The following COL5A3 variants were observed in gnomAD, a reference collection of about 807,000 sequenced individuals.
COL5A3 encodes the protein collagen alpha-3(V) chain.
Under a neutral mutation model 250.0 loss-of-function variants are expected in COL5A3, and 172 were observed. The ratio of observed to expected loss-of-function variants is 0.69; its 90% CI spans 0.61 to 0.78. The LOEUF is 0.78. Among genes scored for constraint, COL5A3 ranks in the 30% least tolerant of loss-of-function variants. The probability of loss-of-function intolerance (pLI) is 0.00; values close to 1 mark genes in which losing one functional copy is unlikely to be tolerated. For synonymous variants in COL5A3, 937 were observed against 900.4 expected, an observed-to-expected ratio of 1.04 and a Z score of -0.73; for missense variants, 2,340 against 2,334.4, an observed-to-expected ratio of 1.00 and a Z score of -0.05.
chr19:9,993,896 G>T (rs1279092894), intron 16 of COL5A3, 90 bp from the exon 17 acceptor site: 3 of 1,227,682 alleles, frequency 2.4e-6, no homozygotes, highest in African/African-American at 1.5e-5. Context: ...TCAACATCAA[G>T]ATTTTTTTTT....
At chr19:9,964,918 G>A (rs1310251514) in intron 64 of COL5A3, among the ~76,000 whole-genome samples, 4 of 133,486 alleles carry the variant, frequency 3.0e-5, no homozygotes, top group South Asian at 2.3e-4. Flanking sequence ...GCATGGTGGC[G>A]CATGCCTGTA....
intron 45 of COL5A3, among the ~76,000 whole-genome samples, chr19:9,975,665 T>A (rs2086908892): frequency 6.7e-6 from 1 of 150,200 alleles, no homozygotes; most frequent in African/African-American, 2.5e-5. Flanking sequence ...ATTTTGGTAT[T>A]GAGGGAAAGA....
rs754342022 is a variant in COL5A3, at chr19:9,996,258, G to A, written c.1427C>T (p.Ser476Phe). The A allele has an allele frequency of 9.5e-6, 15 of 1,572,142 alleles. No individual in the cohort carries two copies. Among genetic ancestry groups the A allele is most frequent in the Non-Finnish European group, 1.3e-5 (15 of 1,161,754 alleles). ...CACTGGACCAGGGGGGCCTTTCATA[G>A]AGAGCTGGAAAGACAGAGGAGTCAG... is the stretch of plus-strand genomic sequence containing the variant. ...AQAVLQQTQL[S>F]MKGPPGPVGL... The change falls in exon 14 of 67, where the codon TCT (serine) becomes TTT (phenylalanine). Residue 476 changes from serine to phenylalanine, a missense_variant. Around this residue, in one of 3 missense-constraint regions of COL5A3, gnomAD observed 1,152 missense variants for 1,146.3 expected, o/e 1.00. Coordinates refer to ENST00000264828, the MANE Select transcript of COL5A3 (RefSeq NM_015719.4).
rs770017553 is a variant in COL5A3, at chr19:9,997,397, C to T, written c.1237G>A (p.Gly413Arg). 1.2e-6 allele frequency: 2 copies of T among 1,610,556 alleles called. No homozygotes were observed. The highest frequency in any genetic ancestry group is 4.5e-5 in the East Asian group (2 of 44,804). The change falls in exon 11 of 67, where the codon GGA (glycine) becomes AGA (arginine). Residue 413 changes from glycine to arginine, a missense_variant. Gly to Arg is a moderately radical substitution (Grantham distance 125, BLOSUM62 -2). Coordinates refer to ENST00000264828, the MANE Select transcript of COL5A3 (RefSeq NM_015719.4). ...GGTGGACCAGGGTCGCCAGGGAATC[C>T]TGGGGGGCCGGGAGGGCCTGAGGGG... The part of the protein sequence containing the change: ...VGPSGPPGPP[G>R]FPGDPGPPGP...
At position 9,977,211 on chromosome 19, in the gene COL5A3, C is replaced by CA; in HGVS notation, c.3288+17_3288+18insT. Reference sequence around the variant, plus strand: ...CCGCTACCCACCCCACCCTGCCCCACTGGGGACCTTCACTCACCGCGTCTC... The same window carrying CA: ...CCGCTACCCACCCCACCCTGCCCCACATGGGGACCTTCACTCACCGCGTCTC... On this transcript the variant is annotated intron_variant, in intron 44 of 66. Transcript: ENST00000264828. The CA allele has an allele frequency of 6.2e-7, 1 of 1,612,612 alleles. No individual in the cohort carries two copies. Among genetic ancestry groups the CA allele is most frequent in the Non-Finnish European group, 8.5e-7 (1 of 1,178,670 alleles).
At chr19:9,999,825 G>T (rs1010968502) in intron 8 of COL5A3, among the ~76,000 whole-genome samples, 4 of 152,138 alleles carry the variant, frequency 2.6e-5, no homozygotes, top group Non-Finnish European at 5.9e-5. Flanking sequence ...CTGCAGTGCA[G>T]TGGTGTGATC....
chr19:9,974,863 TTTTGTTTGTTTGTTTGTTTTTG>T (rs1214827783), intron 45 of COL5A3, among the ~76,000 whole-genome samples: 4 of 152,100 alleles, frequency 2.6e-5, no homozygotes, highest in South Asian at 2.1e-4. Flanking sequence ...AAGATAAGGC[TTTTGTTTGTTTGTTTGTTTTTG>T]TTTGTTTGTT....
intron 32 of COL5A3, 38 bp from the exon 33 acceptor site, chr19:9,981,170 T>C: frequency 6.2e-7 from 1 of 1,602,270 alleles, no homozygotes; most frequent in Non-Finnish European, 8.6e-7. Flanking sequence ...AGAAGAGAGT[T>C]AGGGTGCAAA....
At chr19:9,974,882 T>C (rs2086898162) in intron 45 of COL5A3, among the ~76,000 whole-genome samples, 1 of 150,556 alleles carries the variant, frequency 6.6e-6, no homozygotes. Flanking sequence ...TTTGTTTGTT[T>C]TTGTTTGTTT....
At chr19:9,991,878 G>A (rs534272781) in intron 22 of COL5A3, 37 bp from the exon 23 acceptor site, 1 of 1,603,536 alleles carries the variant, frequency 6.2e-7, no homozygotes, top group Non-Finnish European at 8.5e-7. Flanking sequence ...AGCTAAGAGG[G>A]GTCATGGTGT....
chr19:9,976,888 G>T (rs760749878), intron 44 of COL5A3, among the ~76,000 whole-genome samples: 1 of 151,984 alleles, frequency 6.6e-6, no homozygotes, highest in South Asian at 2.1e-4. Context: ...CATTCGGGGT[G>T]GGGGGAAGTT....
chr19:9,977,188 G>A (rs368467223), intron 44 of COL5A3, 41 bp downstream of exon 44: 402 of 1,597,324 alleles, frequency 2.5e-4, no homozygotes, highest in Non-Finnish European at 3.1e-4. Flanking sequence ...TCTTTCTTCC[G>A]CTACCCACCC....
Position 9,989,138 on chromosome 19 carries a change from G to A in COL5A3, c.2131C>T (p.Pro711Ser), listed in dbSNP as rs2087150479. 1 of 1,614,080 alleles carries A rather than the reference G, an allele frequency of 6.2e-7. No individual in the cohort carries two copies. Among genetic ancestry groups the A allele is most frequent in the South Asian group, 1.1e-5 (1 of 91,088 alleles). The change falls in exon 27 of 67, where the codon CCT (proline) becomes TCT (serine). Residue 711 changes from proline to serine, a missense_variant. By Grantham distance (74) the Pro-to-Ser change is moderately conservative (BLOSUM62 -1). Around this residue, in one of 3 missense-constraint regions of COL5A3, gnomAD observed 1,152 missense variants for 1,146.3 expected, o/e 1.00. Transcript: ENST00000264828. ...GSAGPPGYPG[P>S]RGVKGTSGNR... Reference sequence around the variant, plus strand: ...GTATCACCTACCTTCACTCCCCGAGGTCCAGGATAGCCCGGAGGGCCTGCC... The same window carrying A: ...GTATCACCTACCTTCACTCCCCGAGATCCAGGATAGCCCGGAGGGCCTGCC...
intron 40 of COL5A3, 58 bp from the exon 41 acceptor site, chr19:9,978,685 C>G: frequency 2.4e-6 from 3 of 1,267,014 alleles, no homozygotes; most frequent in Non-Finnish European, 3.3e-6. Flanking sequence ...CAGGTCCTGT[C>G]TTCCTCTGTG....
rs927709026 is a variant in COL5A3 at position 9,963,418 on chromosome 19, C to T, written c.4783-531G>A. On this transcript the variant is annotated intron_variant, in intron 64 of 66. Coordinates refer to ENST00000264828, the MANE Select transcript of COL5A3 (RefSeq NM_015719.4). ...AAATTTTTATTTTTTGAGACAGAGT[C>T]TTGTTCTGTCACAGGGTCTTGGAGT... 2.0e-5 allele frequency among the ~76,000 whole-genome samples: 3 copies of T among 151,632 alleles called. No homozygotes were observed. In the East Asian group the frequency reaches 5.8e-4, roughly 29 times the overall value.
Position 9,992,897 on chromosome 19 carries a change from G to A in COL5A3, c.1795-17C>T, listed in dbSNP as rs746201418. ...TCGTGGACCCTGCAAGGGAGCAGGC[G>A]AATTATTTCCACATCACCTCTGTGT... On this transcript the variant is annotated splice_polypyrimidine_tract_variant and intron_variant, in intron 20 of 66. Transcript: ENST00000264828. The A allele has an allele frequency of 1.9e-5, 31 of 1,613,518 alleles. No individual in the cohort carries two copies. The highest frequency in any genetic ancestry group is 1.8e-4 in the East Asian group (8 of 44,860).
intron 51 of COL5A3, 83 bp downstream of exon 51, chr19:9,972,836 A>G (rs1485324370): frequency 4.1e-5 from 15 of 370,200 alleles, no homozygotes; most frequent in Non-Finnish European, 5.2e-5. Flanking sequence ...CTCCATCTCA[A>G]AAAAAAAAAA....
chr19:10,000,646 G>T (rs2087346846), intron 8 of COL5A3, among the ~76,000 whole-genome samples: 1 of 151,630 alleles, frequency 6.6e-6, no homozygotes, highest in Non-Finnish European at 1.5e-5. Flanking sequence ...CTTCACAAGT[G>T]CTCAAGTGGC....
intron 33 of COL5A3, 32 bp downstream of exon 33, chr19:9,981,056 A>T (rs372461329): frequency 1.1e-5 from 18 of 1,609,480 alleles, no homozygotes; most frequent in African/African-American, 8.0e-5. Context: ...CCCAAGTCCC[A>T]GCAGGGTAGG....
Sources: allele counts gnomAD v4.1 joint callset (sites outside exome capture counted in the v4.1 genomes callset), GRCh38; gene constraint gnomAD v4.1.1; regional missense constraint gnomAD v4.1.1; transcripts MANE v1.5; gene names NCBI Gene and HGNC (gene_info 2026-07-23, HGNC 2026-07-21).